Variants in DTNB observed in about 807,000 individuals in gnomAD.
DTNB encodes the protein dystrobrevin beta.
A neutral mutation model predicts 90.7 loss-of-function variants in DTNB; 63 were observed. That is an observed-to-expected ratio of 0.69 (90% CI 0.57 to 0.86). The LOEUF (loss-of-function observed/expected upper bound fraction) is 0.86. DTNB is among the 40% of genes least tolerant of loss of function. The probability of loss-of-function intolerance (pLI) is 0.00; values close to 1 mark genes in which losing one functional copy is unlikely to be tolerated. For synonymous variants in DTNB, 277 were observed against 286.7 expected (o/e 0.97, Z 0.34); for missense variants, 744 against 807.1 (o/e 0.92, Z 0.95).
At chr2:25,567,945 G>C (rs557562191) in intron 8 of DTNB, among the ~76,000 whole-genome samples, 1 of 152,318 alleles carries the variant, frequency 6.6e-6, no homozygotes, top group South Asian at 2.1e-4. Context: ...CAGATCATGA[G>C]GTCAAGAGAT....
At chr2:25,457,525 C>T (rs1285889653) in intron 10 of DTNB, among the ~76,000 whole-genome samples, 2 of 152,202 alleles carry the variant, frequency 1.3e-5, no homozygotes, top group Non-Finnish European at 2.9e-5. Flanking sequence ...CCTCTCAGTG[C>T]TTTCAAGGTA....
intron 9 of DTNB, among the ~76,000 whole-genome samples, chr2:25,519,647 G>A (rs1037740223): frequency 6.6e-6 from 1 of 152,114 alleles, no homozygotes; most frequent in African/African-American, 2.4e-5. Context: ...ATGCACCAGT[G>A]AGCATTTCCT....
intron 2 of DTNB, 25 bp downstream of exon 2, chr2:25,652,569 A>G: frequency 6.3e-7 from 1 of 1,588,508 alleles, no homozygotes; most frequent in Non-Finnish European, 8.5e-7. Flanking sequence ...ATTCCCGCAC[A>G]TATGAACAAG....
intron 9 of DTNB, among the ~76,000 whole-genome samples, chr2:25,503,558 C>T (rs998926499): frequency 1.4e-4 from 21 of 152,222 alleles, no homozygotes; most frequent in Non-Finnish European, 2.8e-4. Context: ...AGCTGCAGGA[C>T]ACAAGATCAA....
chr2:25,408,577 T>G (rs2045866150), intron 16 of DTNB, among the ~76,000 whole-genome samples: 3 of 147,086 alleles, frequency 2.0e-5, no homozygotes, highest in African/African-American at 5.2e-5. Context: ...CCACTTTAGC[T>G]GCAGTTAACT....
At chr2:25,420,963 C>T (rs2049469230) in intron 15 of DTNB, among the ~76,000 whole-genome samples, 1 of 152,222 alleles carries the variant, frequency 6.6e-6, no homozygotes, top group Admixed American at 6.5e-5. Flanking sequence ...TAATGGGCCT[C>T]TTCCACTTCC....
chr2:25,383,718 G>A (rs2038576493), intron 19 of DTNB, 118 bp downstream of exon 19: 1 of 1,597,752 alleles, frequency 6.3e-7, no homozygotes, highest in Non-Finnish European at 8.5e-7. Flanking sequence ...GGGACCTCGG[G>A]TCCGAAAGCT....
At chr2:25,423,124 G>A (rs750614565) in intron 15 of DTNB, among the ~76,000 whole-genome samples, 13 of 152,154 alleles carry the variant, frequency 8.5e-5, no homozygotes, top group Non-Finnish European at 7.3e-5. Context: ...TTGAATCCGG[G>A]AGGCAGAGGT....
intron 12 of DTNB, among the ~76,000 whole-genome samples, chr2:25,436,143 T>C (rs939190918): frequency 1.3e-5 from 2 of 152,164 alleles, no homozygotes; most frequent in Admixed American, 1.3e-4. Context: ...AAGACCAGCA[T>C]GGCCAACATG....
intron 19 of DTNB, among the ~76,000 whole-genome samples, chr2:25,382,517 G>GT (rs1202352389): frequency 1.6e-5 from 2 of 121,724 alleles, no homozygotes; most frequent in African/African-American, 6.3e-5. Context: ...CCAGTTCTCT[G>GT]CCTTTTTTTT....
At position 25,433,003 on chromosome 2, in the gene DTNB, G is replaced by C; in HGVS notation, c.1344-4C>G. On this transcript the variant is annotated splice_region_variant and splice_polypyrimidine_tract_variant and intron_variant, in intron 13 of 20. Coordinates refer to ENST00000406818, the MANE Select transcript of DTNB (RefSeq NM_021907.5). ...CTGAATCTCCTGCAGGATCTCTCTA[G>C]AGAGGATGGGTGAACGGAAAGGGGC... The C allele has an allele frequency of 1.3e-6, 2 of 1,599,202 alleles. No homozygotes were observed. Among genetic ancestry groups the C allele is most frequent in the Non-Finnish European group, 1.7e-6 (2 of 1,174,200 alleles).
At chr2:25,625,969 A>C (rs2074065739) in intron 4 of DTNB, among the ~76,000 whole-genome samples, 1 of 152,126 alleles carries the variant, frequency 6.6e-6, no homozygotes, top group Non-Finnish European at 1.5e-5. Flanking sequence ...ATACCACAAA[A>C]AGGTGCCGTC....
At chr2:25,584,270 T>C (rs997712029) in intron 6 of DTNB, among the ~76,000 whole-genome samples, 6 of 152,210 alleles carry the variant, frequency 3.9e-5, no homozygotes, top group African/African-American at 1.2e-4. Flanking sequence ...AAAAGGCTAC[T>C]AAAAGACTCT....
intron 6 of DTNB, among the ~76,000 whole-genome samples, chr2:25,587,135 T>C (rs990590551): frequency 6.6e-6 from 1 of 152,156 alleles, no homozygotes. Flanking sequence ...AAAGGTAGAC[T>C]GTGGTTCGAC....
chr2:25,543,742 C>G (rs531807084), intron 8 of DTNB, among the ~76,000 whole-genome samples: 1 of 151,906 alleles, frequency 6.6e-6, no homozygotes, highest in Non-Finnish European at 1.5e-5. Flanking sequence ...CCTATTTGTC[C>G]TTTTCAGGTT....
At chr2:25,405,582 C>T (rs1449123316) in intron 16 of DTNB, among the ~76,000 whole-genome samples, 1 of 151,906 alleles carries the variant, frequency 6.6e-6, no homozygotes, top group Non-Finnish European at 1.5e-5. Flanking sequence ...TTTTCCACCA[C>T]CAGTTTTGCT....
At chr2:25,620,274 G>A (rs1033603525) in intron 4 of DTNB, among the ~76,000 whole-genome samples, 4 of 152,108 alleles carry the variant, frequency 2.6e-5, no homozygotes, top group Non-Finnish European at 5.9e-5. Flanking sequence ...TTAAACCAAC[G>A]GAGGAGTGTG....
At chr2:25,592,852 A>G (rs2063818178) in intron 6 of DTNB, among the ~76,000 whole-genome samples, 1 of 152,256 alleles carries the variant, frequency 6.6e-6, no homozygotes, top group Non-Finnish European at 1.5e-5. Flanking sequence ...ATAATCAGCC[A>G]AACTAAATCC....
chr2:25,496,508 T>G (rs1455961073), intron 9 of DTNB, among the ~76,000 whole-genome samples: 1 of 152,206 alleles, frequency 6.6e-6, no homozygotes, highest in Non-Finnish European at 1.5e-5. Context: ...TTCACTGCTA[T>G]AGATGACAGG....
Sources: allele counts gnomAD v4.1 joint callset (sites outside exome capture counted in the v4.1 genomes callset), GRCh38; gene constraint gnomAD v4.1.1; transcripts MANE v1.5; gene names NCBI Gene and HGNC (gene_info 2026-07-23, HGNC 2026-07-21).